The following CDKAL1 variants were observed in gnomAD, a reference collection of about 807,000 sequenced individuals.
The protein encoded by CDKAL1 is threonylcarbamoyladenosine tRNA methylthiotransferase.
CDKAL1 carries 32 observed loss-of-function variants against 68.2 expected under a neutral mutation model. The ratio of observed to expected loss-of-function variants is 0.47; its 90% CI spans 0.35 to 0.63. CDKAL1 has a LOEUF of 0.63. Ranked by LOEUF, CDKAL1 falls within the 30% of genes least tolerant of loss-of-function variation. The pLI is 0.00. For synonymous variants in CDKAL1, 234 were observed against 244.3 expected, an observed-to-expected ratio of 0.96 and a Z score of 0.39; for missense variants, 606 against 696.7, an observed-to-expected ratio of 0.87 and a Z score of 1.47.
intron 8 of CDKAL1, among the ~76,000 whole-genome samples, chr6:20,814,144 T>A (rs1776939447): frequency 6.6e-6 from 1 of 152,104 alleles, no homozygotes; most frequent in Non-Finnish European, 1.5e-5. Flanking sequence ...ATATCTTTTG[T>A]CAAGTTTACT....
chr6:20,621,517 T>C (rs547483230), intron 4 of CDKAL1, among the ~76,000 whole-genome samples: 93 of 152,256 alleles, frequency 6.1e-4, no homozygotes, highest in African/African-American at 2.1e-3. Context: ...TGCTCCCCCT[T>C]TTTTAGAGTG....
intron 4 of CDKAL1, among the ~76,000 whole-genome samples, chr6:20,583,947 A>C (rs1426994383): frequency 6.6e-6 from 1 of 152,130 alleles, no homozygotes; most frequent in Non-Finnish European, 1.5e-5. Context: ...AAGTCAGGAA[A>C]GTAAGTATAG....
At position 20,718,975 on chromosome 6, in the gene CDKAL1, A is replaced by G. The variant is rs1772220086; in HGVS notation, c.372-20544A>G. On this transcript the variant is annotated intron_variant, in intron 5 of 15. Coordinates refer to ENST00000274695, the MANE Select transcript of CDKAL1 (RefSeq NM_017774.3). The stretch of plus-strand genomic sequence containing the variant: ...AGTCCTGGAAGAAACCTTAGGGTTC[A>G]TCTTTTTAAACCATTTTCATGTAAC... 2.0e-5 allele frequency among the ~76,000 whole-genome samples: 3 copies of G among 152,216 alleles called. 1 individual carries two copies. In the South Asian group the frequency reaches 6.2e-4, roughly 32 times the overall value.
At chr6:20,780,733 G>C (rs1428895408) in intron 7 of CDKAL1, among the ~76,000 whole-genome samples, 6 of 147,360 alleles carry the variant, frequency 4.1e-5, no homozygotes, top group Non-Finnish European at 7.4e-5. Flanking sequence ...GAGTGCAGTG[G>C]TGCCATCTGG....
At chr6:20,753,665 A>G (rs935776444) in intron 6 of CDKAL1, among the ~76,000 whole-genome samples, 2 of 152,220 alleles carry the variant, frequency 1.3e-5, no homozygotes, top group Non-Finnish European at 2.9e-5. Context: ...CGTTGTATGC[A>G]TATGCCACAT....
intron 8 of CDKAL1, among the ~76,000 whole-genome samples, chr6:20,841,464 TTA>T (rs1195001077): frequency 6.6e-6 from 1 of 152,254 alleles, no homozygotes; most frequent in African/African-American, 2.4e-5. Flanking sequence ...GTTAAAACTT[TTA>T]GTTTTCACTT....
chr6:20,617,734 A>G (rs779676553), intron 4 of CDKAL1, among the ~76,000 whole-genome samples: 12 of 152,130 alleles, frequency 7.9e-5, no homozygotes, highest in Admixed American at 5.2e-4. Flanking sequence ...ATGTCCCTGC[A>G]AAGGACATGA....
At position 21,064,297 on chromosome 6, in the gene CDKAL1, G is replaced by A. The variant is rs1028232483; in HGVS notation, c.1056-751G>A. Among the ~76,000 whole-genome samples the A allele has an allele frequency of 4.6e-5, 7 of 151,998 alleles. No individual in the cohort carries two copies. The East Asian group carries it at 7.7e-4, about 17-fold the overall frequency. ...CAAGAATTAAGAAGACTTAGGATCC[G>A]GGAAAAAAAGATTATTGAAAAAAGG... On this transcript the variant is annotated intron_variant, in intron 11 of 15. Transcript: ENST00000274695.
chr6:21,076,833 T>C (rs55857346), intron 12 of CDKAL1, among the ~76,000 whole-genome samples: 20,301 of 152,190 alleles, frequency 0.13, 1,683 homozygotes, highest in Non-Finnish European at 0.19. Flanking sequence ...TTTGAAGTCC[T>C]TTCTTCTGGA....
chr6:20,867,364 CAAAT>C (rs1178353131), intron 9 of CDKAL1, among the ~76,000 whole-genome samples: 14 of 152,136 alleles, frequency 9.2e-5, no homozygotes, highest in Non-Finnish European at 1.8e-4. Flanking sequence ...GAACAGTTGT[CAAAT>C]AACGGTTATT....
chr6:20,963,441 C>A (rs918631026), intron 10 of CDKAL1, among the ~76,000 whole-genome samples: 14 of 152,166 alleles, frequency 9.2e-5, no homozygotes, highest in African/African-American at 3.1e-4. Flanking sequence ...CAAAGCTTTT[C>A]TTGATCTCAA....
chr6:20,876,914 C>T (rs979337739), intron 9 of CDKAL1, among the ~76,000 whole-genome samples: 2 of 152,148 alleles, frequency 1.3e-5, no homozygotes, highest in African/African-American at 4.8e-5. Context: ...CTTTTTATTA[C>T]AAATTAGTCT....
intron 4 of CDKAL1, among the ~76,000 whole-genome samples, chr6:20,585,170 C>T (rs1187826605): frequency 6.6e-6 from 1 of 151,618 alleles, no homozygotes; most frequent in East Asian, 1.9e-4. Context: ...CATTCTCCTG[C>T]CTCAGCCTCC....
At chr6:21,191,144 G>A (rs961219960) in intron 13 of CDKAL1, among the ~76,000 whole-genome samples, 2 of 152,196 alleles carry the variant, frequency 1.3e-5, no homozygotes, top group Admixed American at 1.3e-4. Flanking sequence ...TAATGTCTGC[G>A]TTTCTTCACA....
chr6:20,766,744 G>T (rs902619161), intron 7 of CDKAL1, among the ~76,000 whole-genome samples: 12 of 151,888 alleles, frequency 7.9e-5, no homozygotes, highest in African/African-American at 2.7e-4. Context: ...TTTATTTCTG[G>T]TACTTAATAT....
At chr6:20,616,748 A>G (rs1017157580) in intron 4 of CDKAL1, among the ~76,000 whole-genome samples, 2 of 151,710 alleles carry the variant, frequency 1.3e-5, no homozygotes, top group African/African-American at 4.8e-5. Flanking sequence ...TCATGCCTGT[A>G]ATCCCAGCAC....
chr6:20,785,348 C>T (rs1377585094), intron 8 of CDKAL1, among the ~76,000 whole-genome samples: 3 of 130,684 alleles, frequency 2.3e-5, no homozygotes, highest in Non-Finnish European at 3.1e-5. Context: ...TGGAGTCTTG[C>T]TCTGTCGCCC....
At chr6:20,982,048 CTTAT>C (rs35693086) in intron 10 of CDKAL1, among the ~76,000 whole-genome samples, 3,902 of 147,042 alleles carry the variant, frequency 0.027, 90 homozygotes, top group Admixed American at 0.067. Context: ...GAAGGAAATT[CTTAT>C]TTATTTATTT....
intron 10 of CDKAL1, among the ~76,000 whole-genome samples, chr6:20,965,433 GA>G (rs1405221222): frequency 5.6e-5 from 8 of 142,934 alleles, no homozygotes; most frequent in Admixed American, 1.4e-4. Context: ...GAGGGGAGGG[GA>G]GGGGAGGGGG....
Sources: gnomAD v4.1 joint callset for allele counts (sites outside exome capture counted in the v4.1 genomes callset) on GRCh38, gnomAD v4.1.1 for gene constraint, MANE v1.5 for transcripts, NCBI Gene and HGNC (gene_info 2026-07-23, HGNC 2026-07-21) for gene names.